CORO7: variants seen among roughly 807,000 people sequenced by gnomAD.
CORO7 encodes the protein coronin-7.
Under a neutral mutation model 126.6 loss-of-function variants are expected in CORO7, and 107 were observed. The ratio of observed to expected loss-of-function variants is 0.85; its 90% confidence interval spans 0.72 to 0.99. The LOEUF is 0.99. Among genes scored for constraint, CORO7 ranks in the 50% least tolerant of loss-of-function variants. The pLI is 0.00. For synonymous variants in CORO7, 603 were observed against 536.8 expected (o/e 1.12, Z -1.70); for missense variants, 1,314 against 1,255.8 (o/e 1.05, Z -0.70).
chr16:4,367,038 C>T (rs2054369974), intron 9 of CORO7, among the ~76,000 whole-genome samples: 1 of 152,236 alleles, frequency 6.6e-6, no homozygotes, highest in African/African-American at 2.4e-5. Flanking sequence ...TGCCAGCCGA[C>T]CACTAAGCAG....
chr16:4,387,807 A>C, intron 9 of CORO7, 179 bp downstream of exon 9: 2 of 726,394 alleles, frequency 2.8e-6, no homozygotes, highest in South Asian at 3.6e-5. Context: ...TGCTCGTGAC[A>C]TCTGGAAGCT....
intron 3 of CORO7, among the ~76,000 whole-genome samples, chr16:4,412,093 T>A (rs1227943798): frequency 6.6e-6 from 1 of 151,914 alleles, no homozygotes; most frequent in Non-Finnish European, 1.5e-5. Flanking sequence ...AGCATCAGCC[T>A]GGAGCCTGGG....
At chr16:4,359,867 C>G (rs1377707041) in intron 21 of CORO7, among the ~76,000 whole-genome samples, 1 of 151,132 alleles carries the variant, frequency 6.6e-6, no homozygotes, top group African/African-American at 2.4e-5. Flanking sequence ...TCCATCTCCC[C>G]CAGAGCCCCT....
chr16:4,381,242 G>C, intron 9 of CORO7: 1 of 1,611,848 alleles, frequency 6.2e-7, no homozygotes, highest in Non-Finnish European at 8.5e-7. Context: ...ACCTTCCGTG[G>C]CCTGCGGCGC....
At chr16:4,364,726 GCCC>G (rs2054293052) in intron 12 of CORO7, 37 bp from the exon 13 acceptor site, 1 of 1,587,542 alleles carries the variant, frequency 6.3e-7, no homozygotes, top group Non-Finnish European at 8.6e-7. Flanking sequence ...TGAGGCCCAG[GCCC>G]CCCGACTCCC....
intron 3 of CORO7, among the ~76,000 whole-genome samples, chr16:4,410,136 A>C (rs1641470861): frequency 6.6e-6 from 1 of 152,164 alleles, no homozygotes; most frequent in Non-Finnish European, 1.5e-5. Context: ...CAAAAAGTCA[A>C]ACATGAAGCC....
chr16:4,413,199 T>C (rs759233176), intron 2 of CORO7, 109 bp downstream of exon 2: 11 of 1,192,342 alleles, frequency 9.2e-6, no homozygotes, highest in Non-Finnish European at 1.3e-5. Context: ...CCAAAGCAGT[T>C]CCGTTCCAAG....
In CORO7 at chr16:4,362,280, G is replaced by A. The variant is rs746900216; in HGVS notation, c.1403-120C>T. On this transcript the variant is annotated intron_variant, in intron 15 of 27. Transcript: ENST00000251166. The surrounding 1 kb of genome is among the most constrained non-coding windows in gnomAD (Gnocchi z 5.3). ...AGGTGGATGTACAGCATGGACCTAG[G>A]CCCAGGCCTTTGCTAATCCAGTGGA... 58 of 1,383,698 alleles carry A rather than the reference G, an allele frequency of 4.2e-5. 2 individuals are homozygous for A. In the South Asian group the frequency reaches 8.3e-4, roughly 20 times the overall value. 85.7% of individuals were successfully genotyped at this position (1,383,698 alleles called of 1,614,324 possible).
chr16:4,391,220 C>T (rs1336918949), intron 7 of CORO7, among the ~76,000 whole-genome samples: 1 of 152,060 alleles, frequency 6.6e-6, no homozygotes, highest in East Asian at 1.9e-4. Context: ...CCCAGGAGTT[C>T]CAGAGCAGCC....
At chr16:4,392,192 A>T (rs1336628580) in intron 7 of CORO7, among the ~76,000 whole-genome samples, 1 of 151,972 alleles carries the variant, frequency 6.6e-6, no homozygotes, top group South Asian at 2.1e-4. Context: ...TGGGGCTGCC[A>T]CTTTCCCAGA....
At chr16:4,412,570 T>C in intron 2 of CORO7, 140 bp from the exon 3 acceptor site, 2 of 817,608 alleles carry the variant, frequency 2.4e-6, no homozygotes, top group Non-Finnish European at 1.9e-6. Flanking sequence ...TCATATCCTC[T>C]GCACGTAGCA....
intron 9 of CORO7, among the ~76,000 whole-genome samples, chr16:4,371,443 C>T (rs1040202766): frequency 2.0e-5 from 3 of 152,210 alleles, no homozygotes; most frequent in Admixed American, 2.0e-4. Context: ...TCTAGCTGGC[C>T]CGGGCTGGTC....
At chr16:4,376,680 G>A (rs1423515950) in intron 9 of CORO7, among the ~76,000 whole-genome samples, 7 of 152,098 alleles carry the variant, frequency 4.6e-5, no homozygotes, top group Admixed American at 3.3e-4. Flanking sequence ...GTGGGTGGGC[G>A]TCCCCCTGGG....
intron 9 of CORO7, chr16:4,381,104 C>T (rs138294072): frequency 1.1e-4 from 172 of 1,607,642 alleles, no homozygotes; most frequent in African/African-American, 8.0e-4. Context: ...GCCGGCCTGC[C>T]GGGCCTGCAG....
intron 9 of CORO7, among the ~76,000 whole-genome samples, chr16:4,375,679 G>A (rs910236552): frequency 1.8e-4 from 28 of 152,158 alleles, no homozygotes; most frequent in East Asian, 3.9e-4. Flanking sequence ...TAGTAGAGAC[G>A]GGGTTTCACC....
intron 5 of CORO7, among the ~76,000 whole-genome samples, chr16:4,406,894 C>A (rs564261585): frequency 1.3e-5 from 2 of 150,670 alleles, no homozygotes; most frequent in South Asian, 4.2e-4. Flanking sequence ...CCGCCTTGGC[C>A]TCCCAAAGTG....
chr16:4,380,872 C>A, intron 9 of CORO7: 1 of 1,512,780 alleles, frequency 6.6e-7, no homozygotes, highest in South Asian at 1.3e-5. Flanking sequence ...CTCCCAGGGA[C>A]AGAAGATGTG....
intron 1 of CORO7, chr16:4,414,204 AAAAG>A (rs1367309549): frequency 2.0e-5 from 3 of 152,000 alleles, no homozygotes. Flanking sequence ...AAAAAAAAAA[AAAAG>A]AAAATGCAAA....
intron 9 of CORO7, chr16:4,371,721 A>C (rs971952506): frequency 6.6e-6 from 1 of 152,144 alleles, no homozygotes; most frequent in Non-Finnish European, 1.5e-5. Flanking sequence ...CCGGCCCACG[A>C]GCCCCTCGGT....
Sources: gnomAD v4.1 joint callset for allele counts (sites outside exome capture counted in the v4.1 genomes callset) on GRCh38, gnomAD v4.1.1 for gene constraint, Gnocchi (gnomAD v3.1) non-coding constraint, MANE v1.5 for transcripts, NCBI Gene and HGNC (gene_info 2026-07-23, HGNC 2026-07-21) for gene names.